STARD6: variants seen among roughly 807,000 people sequenced by gnomAD.
STARD6 encodes stAR-related lipid transfer protein 6.
A neutral mutation model predicts 22.3 loss-of-function variants in STARD6; 21 were observed. That is an observed-to-expected ratio of 0.94 (90% CI 0.67 to 1.35). The LOEUF is 1.35. Ranked by LOEUF, STARD6 falls within the 40% of genes most tolerant of loss-of-function variation. STARD6 has a pLI of 0.00. For missense variants in STARD6, 269 were observed against 266.9 expected (o/e 1.01, Z -0.05); for synonymous variants, 80 against 88.1 (o/e 0.91, Z 0.52).
rs1245601337 is a variant in STARD6, at chr18:54,343,947, T to TG, written c.141-6697dup. Reference sequence around the variant, plus strand: ...CCAGCCGCCCCGTCCGCGAGGGAGGTGGGGGGGGTCAGCCCCCCTGCCCGG... The same window carrying TG: ...CCAGCCGCCCCGTCCGCGAGGGAGGTGGGGGGGGGTCAGCCCCCCTGCCCGG... On this transcript the variant is annotated intron_variant, in intron 4 of 7. Transcript: ENST00000307844. Among the ~76,000 whole-genome samples, 11 of 37,858 alleles carry TG rather than the reference T, an allele frequency of 2.9e-4. 1 individual carries two copies. The highest frequency in any genetic ancestry group is 4.7e-4 in the Non-Finnish European group (11 of 23,288). 24.8% of individuals were successfully genotyped at this position (37,858 alleles called of 152,430 possible). A position where few individuals can be genotyped will look rare whatever the true frequency, so the allele number is the denominator to read the frequency against.
chr18:54,329,248 G>T, intron 7 of STARD6, 99 bp downstream of exon 7: 2 of 895,098 alleles, frequency 2.2e-6, no homozygotes, highest in South Asian at 2.0e-5. Context: ...AACAGAATAT[G>T]CTGCTACATA....
At chr18:54,341,281 G>A (rs1275327981) in intron 4 of STARD6, among the ~76,000 whole-genome samples, 3 of 152,062 alleles carry the variant, frequency 2.0e-5, no homozygotes, top group Admixed American at 6.6e-5. Flanking sequence ...GGATGGTCTC[G>A]ATCTCCCGAC....
chr18:54,337,274 A>G (rs2088924245), intron 4 of STARD6, 23 bp from the exon 5 acceptor site: 5 of 1,601,706 alleles, frequency 3.1e-6, no homozygotes, highest in Non-Finnish European at 4.3e-6. Context: ...AAATAAAGAA[A>G]ATTCAAAGCT....
At chr18:54,327,902 G>C (rs1195136202) in intron 7 of STARD6, among the ~76,000 whole-genome samples, 1 of 150,752 alleles carries the variant, frequency 6.6e-6, no homozygotes, top group African/African-American at 2.4e-5. Flanking sequence ...ATTTATCCAA[G>C]GTCAACCTGT....
At chr18:54,336,327 T>A (rs1203370156) in intron 5 of STARD6, among the ~76,000 whole-genome samples, 1 of 152,154 alleles carries the variant, frequency 6.6e-6, no homozygotes, top group Admixed American at 6.5e-5. Context: ...AATCCCCACA[T>A]GTCAAGGGCA....
Position 54,337,157 on chromosome 18 carries a change from G to C in STARD6, c.235C>G (p.Gln79Glu), listed in dbSNP as rs1383958392. The change falls in exon 5 of 8, where the codon CAA becomes GAA. Residue 79 changes from glutamine (Q) to glutamate (E), a missense_variant. Physicochemically the swap from Gln to Glu is conservative, Grantham distance 29. Transcript: ENST00000307844. ...ATCCTGTGTACCATATTATACACTT[G>C]CAATGATTTATCCCATGTAATTCTG... ...GDRITWDKSL[Q>E]VYNMVHRIDS... The C allele has an allele frequency of 6.2e-7, 1 of 1,613,134 alleles. No homozygotes were observed. Among genetic ancestry groups the C allele is most frequent in the South Asian group, 1.1e-5 (1 of 90,986 alleles).
At chr18:54,330,319 A>G (rs973683236) in intron 6 of STARD6, among the ~76,000 whole-genome samples, 3 of 152,056 alleles carry the variant, frequency 2.0e-5, no homozygotes, top group African/African-American at 7.2e-5. Flanking sequence ...TGATCTTATT[A>G]TAAAAGATTT....
intron 4 of STARD6, among the ~76,000 whole-genome samples, chr18:54,349,627 A>C (rs1222691618): frequency 6.6e-6 from 1 of 152,100 alleles, no homozygotes; most frequent in African/African-American, 2.4e-5. Context: ...CACTGTACCC[A>C]ATGTGTAGTC....
intron 4 of STARD6, among the ~76,000 whole-genome samples, chr18:54,340,846 C>T (rs1474022257): frequency 6.6e-6 from 1 of 152,058 alleles, no homozygotes; most frequent in Non-Finnish European, 1.5e-5. Flanking sequence ...TTACTGGTAT[C>T]AAATAAAGTA....
chr18:54,326,579 G>A (rs1304557569), intron 7 of STARD6, among the ~76,000 whole-genome samples: 1 of 150,754 alleles, frequency 6.6e-6, no homozygotes, highest in East Asian at 1.9e-4. Flanking sequence ...TGATCCACCC[G>A]CCTCAGCCTC....
chr18:54,347,192 CTT>C (rs1279396300), intron 4 of STARD6, among the ~76,000 whole-genome samples: 2 of 152,046 alleles, frequency 1.3e-5, no homozygotes, highest in African/African-American at 4.8e-5. Flanking sequence ...CTTAATGTCT[CTT>C]GAGTAGGTAG....
chr18:54,345,267 C>A (rs1436105595), intron 4 of STARD6, among the ~76,000 whole-genome samples: 2 of 151,804 alleles, frequency 1.3e-5, no homozygotes, highest in African/African-American at 4.8e-5. Context: ...ATTCAGAAAA[C>A]AATTCCATTT....
At chr18:54,333,436 C>T (rs1346155176) in intron 5 of STARD6, among the ~76,000 whole-genome samples, 26 of 152,166 alleles carry the variant, frequency 1.7e-4, no homozygotes, top group Admixed American at 1.5e-3. Context: ...GGTGACAGAG[C>T]GAGACTCTGT....
rs181244146 is a variant in STARD6 at position 54,334,600 on chromosome 18, G to C, written c.267+2525C>G. On this transcript the variant is annotated intron_variant, in intron 5 of 7. Transcript: ENST00000307844. The stretch of plus-strand genomic sequence containing the variant: ...TTTCTACCTCAAGGCCTTTGCATTT[G>C]CTTTACCCTGTGTCTGCTACTCTCT... 6.2e-3 allele frequency among the ~76,000 whole-genome samples: 946 copies of C among 151,908 alleles called. 28 individuals carry two copies. Among genetic ancestry groups the C allele is most frequent in the Admixed American group, 0.053 (803 of 15,224 alleles).
intron 4 of STARD6, among the ~76,000 whole-genome samples, chr18:54,351,899 G>GTTTTTTTTT (rs60888927): frequency 1.4e-5 from 1 of 70,654 alleles, no homozygotes; most frequent in African/African-American, 7.8e-5. Flanking sequence ...ATATTGGTCC[G>GTTTTTTTTT]TTTTTTTTTT....
chr18:54,329,543 G>C, intron 6 of STARD6, 103 bp from the exon 7 acceptor site: 1 of 893,506 alleles, frequency 1.1e-6, no homozygotes, highest in Non-Finnish European at 1.7e-6. Flanking sequence ...TTAGTTAATA[G>C]CATTAACATT....
At chr18:54,336,581 G>A (rs767594275) in intron 5 of STARD6, among the ~76,000 whole-genome samples, 3 of 152,080 alleles carry the variant, frequency 2.0e-5, no homozygotes, top group Non-Finnish European at 2.9e-5. Flanking sequence ...TATGCCGTTC[G>A]TTCTTTAAGT....
intron 4 of STARD6, among the ~76,000 whole-genome samples, chr18:54,351,850 G>A (rs2089099000): frequency 7.5e-6 from 1 of 132,886 alleles, no homozygotes; most frequent in Non-Finnish European, 1.5e-5. Context: ...AGGTTAGCTA[G>A]TATTTTGTTG....
At chr18:54,333,597 T>A (rs770951290) in intron 5 of STARD6, among the ~76,000 whole-genome samples, 5 of 152,248 alleles carry the variant, frequency 3.3e-5, no homozygotes, top group Non-Finnish European at 7.3e-5. Flanking sequence ...CATGGACATG[T>A]GTTTTCTGTG....
Sources: gnomAD v4.1 joint callset for allele counts (sites outside exome capture counted in the v4.1 genomes callset) on GRCh38, gnomAD v4.1.1 for gene constraint, MANE v1.5 for transcripts, NCBI Gene and HGNC (gene_info 2026-07-23, HGNC 2026-07-21) for gene names.